MAP3K13: variants seen among roughly 807,000 people sequenced by gnomAD.
The protein encoded by MAP3K13 is leucine zipper-bearing kinase.
Under a neutral mutation model 104.0 loss-of-function variants are expected in MAP3K13, and 52 were observed. The ratio of observed to expected loss-of-function variants is 0.50; its 90% CI spans 0.40 to 0.63. The LOEUF is 0.63. Among genes scored for constraint, MAP3K13 ranks in the 20% least tolerant of loss-of-function variants. The probability of loss-of-function intolerance (pLI) is 0.00; values close to 1 mark genes in which losing one functional copy is unlikely to be tolerated. For missense variants in MAP3K13, 914 were observed against 1,218.5 expected, an observed-to-expected ratio of 0.75 and a Z score of 3.72; for synonymous variants, 394 against 442.2, an observed-to-expected ratio of 0.89 and a Z score of 1.37.
chr3:185,398,351 C>T (rs930135505), intron 1 of MAP3K13, among the ~76,000 whole-genome samples: 1 of 152,150 alleles, frequency 6.6e-6, no homozygotes, highest in African/African-American at 2.4e-5. Flanking sequence ...AAAAAAATTT[C>T]AAACTTTTGA....
chr3:185,317,688 A>G (rs1721724603), intron 2 of MAP3K13, among the ~76,000 whole-genome samples: 1 of 152,304 alleles, frequency 6.6e-6, no homozygotes, highest in African/African-American at 2.4e-5. Context: ...GAAGTTTTCT[A>G]TGTATAATTG....
intron 10 of MAP3K13, 125 bp downstream of exon 10, chr3:185,467,088 T>C (rs1473688752): frequency 3.9e-6 from 4 of 1,032,344 alleles, no homozygotes; most frequent in Non-Finnish European, 5.7e-6. Flanking sequence ...AGATACTCAG[T>C]ACTCTAGGTA....
chr3:185,407,770 G>A (rs1713196643), intron 1 of MAP3K13, among the ~76,000 whole-genome samples: 1 of 151,570 alleles, frequency 6.6e-6, no homozygotes, highest in Admixed American at 6.6e-5. Flanking sequence ...TGTCCTTATA[G>A]TGTTGTCTTT....
chr3:185,308,542 A>G (rs1223841827), intron 2 of MAP3K13, among the ~76,000 whole-genome samples: 1 of 152,144 alleles, frequency 6.6e-6, no homozygotes, highest in Non-Finnish European at 1.5e-5. Flanking sequence ...TTTTCTCCCA[A>G]TAACACTGAG....
intron 3 of MAP3K13, among the ~76,000 whole-genome samples, chr3:185,440,392 A>G (rs1268933416): frequency 6.6e-6 from 1 of 152,158 alleles, no homozygotes; most frequent in Non-Finnish European, 1.5e-5. Context: ...GAGGCTGAGT[A>G]CCTTCAAAAA....
chr3:185,404,792 G>A (rs971288182), intron 1 of MAP3K13, among the ~76,000 whole-genome samples: 1 of 152,126 alleles, frequency 6.6e-6, no homozygotes, highest in Non-Finnish European at 1.5e-5. Flanking sequence ...GGCCAGGCTG[G>A]TCTCAAACTC....
chr3:185,471,307 T>TTTC (rs200850886), intron 10 of MAP3K13, among the ~76,000 whole-genome samples: 5,430 of 96,240 alleles, frequency 0.056, 189 homozygotes, highest in Non-Finnish European at 0.081. Flanking sequence ...TGACCTTTGC[T>TTTC]TTTTTTTTTT....
chr3:185,417,961 A>T, intron 1 of MAP3K13: 1 of 1,608,728 alleles, frequency 6.2e-7, no homozygotes, highest in Non-Finnish European at 8.5e-7. Flanking sequence ...GTTACTCTTG[A>T]GGGAAGCGGC....
intron 1 of MAP3K13, among the ~76,000 whole-genome samples, chr3:185,388,772 T>C (rs1711859840): frequency 6.6e-6 from 1 of 152,060 alleles, no homozygotes; most frequent in Non-Finnish European, 1.5e-5. Context: ...TCACAAAACC[T>C]GACTCCAAAA....
intron 2 of MAP3K13, among the ~76,000 whole-genome samples, chr3:185,355,044 C>G (rs908429696): frequency 6.6e-6 from 1 of 152,100 alleles, no homozygotes; most frequent in Non-Finnish European, 1.5e-5. Context: ...AACAACTACC[C>G]TATTTTAAAG....
In MAP3K13 at chr3:185,417,355, G is replaced by A. The variant is rs188128426; in HGVS notation, c.-85-11142G>A. On this transcript the variant is annotated intron_variant, in intron 1 of 13. Coordinates refer to ENST00000265026, the MANE Select transcript of MAP3K13 (RefSeq NM_004721.5). ...TAATTCATCTGGACCTTAGAACTTG[G>A]AAATAATCAAAACACTGATATATGT... 3.2e-6 allele frequency: 3 copies of A among 949,090 alleles called. No individual in the cohort carries two copies. The African/African-American group carries it at 5.0e-5, about 16-fold the overall frequency. 58.8% of individuals were successfully genotyped at this position (949,090 alleles called of 1,614,324 possible). A position where few individuals can be genotyped will look rare whatever the true frequency, so the allele number is the denominator to read the frequency against.
intron 2 of MAP3K13, chr3:185,329,261 C>T (rs1355968805): frequency 1.4e-6 from 1 of 702,928 alleles, no homozygotes; most frequent in Admixed American, 2.0e-5. Context: ...TGAGTATGTA[C>T]CTAGTGCCGA....
chr3:185,384,816 T>TGTTGA (rs1462035632), intron 1 of MAP3K13, among the ~76,000 whole-genome samples: 1 of 152,228 alleles, frequency 6.6e-6, no homozygotes, highest in African/African-American at 2.4e-5. Flanking sequence ...TAGTTTTTGT[T>TGTTGA]GTTGAGTTGT....
At chr3:185,342,061 G>T (rs1224137816) in intron 2 of MAP3K13, among the ~76,000 whole-genome samples, 1 of 152,106 alleles carries the variant, frequency 6.6e-6, no homozygotes, top group Non-Finnish European at 1.5e-5. Flanking sequence ...CTGCAGAAAG[G>T]CCCACGTGAC....
chr3:185,378,085 GT>G (rs1169977164), intron 1 of MAP3K13, among the ~76,000 whole-genome samples: 2 of 152,198 alleles, frequency 1.3e-5, no homozygotes, highest in Admixed American at 6.5e-5. Context: ...TGTGGCTGGG[GT>G]TTGTCTCACA....
At chr3:185,291,103 ATTGT>A (rs1221452035) in intron 2 of MAP3K13, among the ~76,000 whole-genome samples, 11 of 152,140 alleles carry the variant, frequency 7.2e-5, no homozygotes, top group Non-Finnish European at 1.6e-4. Context: ...ATTTGAAGGC[ATTGT>A]TTCTTTTTCT....
At chr3:185,427,909 TC>T (rs1426847523) in intron 1 of MAP3K13, among the ~76,000 whole-genome samples, 1 of 151,998 alleles carries the variant, frequency 6.6e-6, no homozygotes, top group Non-Finnish European at 1.5e-5. Context: ...AGAAACCCTG[TC>T]TCTATTAAAA....
chr3:185,449,863 G>C (rs1715790005), intron 5 of MAP3K13, 37 bp from the exon 6 acceptor site: 1 of 1,536,500 alleles, frequency 6.5e-7, no homozygotes, highest in Non-Finnish European at 8.7e-7. Context: ...CAGTCTTTCT[G>C]AAACATCTTC....
intron 10 of MAP3K13, among the ~76,000 whole-genome samples, chr3:185,468,539 G>A (rs1717592089): frequency 6.6e-6 from 1 of 152,152 alleles, no homozygotes. Flanking sequence ...GGGAAGGAAG[G>A]TCCCTAAACC....
Sources: allele counts gnomAD v4.1 joint callset (sites outside exome capture counted in the v4.1 genomes callset), GRCh38; gene constraint gnomAD v4.1.1; transcripts MANE v1.5; gene names NCBI Gene and HGNC (gene_info 2026-07-23, HGNC 2026-07-21).